Variants in STARD9 observed in about 807,000 individuals in gnomAD.
STARD9 encodes stAR-related lipid transfer protein 9.
Under a neutral mutation model 399.8 loss-of-function variants are expected in STARD9, and 346 were observed. The ratio of observed to expected loss-of-function variants is 0.87; its 90% CI spans 0.79 to 0.95. STARD9 has a LOEUF of 0.95. STARD9 is among the 40% of genes least tolerant of loss of function. STARD9 has a pLI of 0.00. For synonymous variants in STARD9, 2,203 were observed against 2,143.5 expected (o/e 1.03, Z -0.77); for missense variants, 5,832 against 5,667.5 (o/e 1.03, Z -0.93).
chr15:42,639,325 G>T (rs1452067353), intron 7 of STARD9, among the ~76,000 whole-genome samples: 1 of 152,196 alleles, frequency 6.6e-6, no homozygotes, highest in Non-Finnish European at 1.5e-5. Context: ...GGTGGGGTCT[G>T]CAGGCGCCCA....
chr15:42,663,507 A>G lies in STARD9; in HGVS notation c.1078+17A>G. The G allele has an allele frequency of 1.3e-6, 2 of 1,536,762 alleles. No homozygotes were observed. Among genetic ancestry groups the G allele is most frequent in the Non-Finnish European group, 1.7e-6 (2 of 1,146,506 alleles). On this transcript the variant is annotated intron_variant, in intron 12 of 32. Transcript: ENST00000290607. ...TGGTTGCCAGTGAGTGGGATGCCAG[A>G]GCTGGACCTGTGTTGGGACTGGTAC...
chr15:42,694,214 C>CA lies in STARD9; in HGVS notation c.12637dup (p.Thr4213AsnfsTer30). 1 of 1,535,740 alleles carries CA rather than the reference C, an allele frequency of 6.5e-7. No homozygotes were observed. The highest frequency in any genetic ancestry group is 8.7e-7 in the Non-Finnish European group (1 of 1,146,148). ...AGAACCTCTCACTCAGCGTGGAACT[C>CA]ACAGAAGCGAAACTGCACCATGGCT... On this transcript the variant is annotated frameshift_variant, in exon 23 of 33. Transcript: ENST00000290607. LOFTEE classifies it high-confidence loss of function.
chr15:42,601,062 G>A (rs1461232699), intron 3 of STARD9, among the ~76,000 whole-genome samples: 1 of 151,866 alleles, frequency 6.6e-6, no homozygotes, highest in African/African-American at 2.4e-5. Flanking sequence ...AGGGAGTGGT[G>A]ATGACTCTTA....
Position 42,685,427 on chromosome 15 carries a change from C to T in STARD9, c.3849C>T (p.Pro1283=), listed in dbSNP as rs1015694240. Residue 1283 remains proline, a synonymous_variant, in exon 23 of 33, where the codon CCC becomes CCT. Transcript: ENST00000290607. ...TTTACCTTGATCCTCAGTTCCAACC[C>T]CATTGTGAGCTCCAACCCCATTGTG... ...SSFYLDPQFQ[P]HCELQPHCEL... 2 of 1,536,182 alleles carry T rather than the reference C, an allele frequency of 1.3e-6. No individual in the cohort carries two copies. Among genetic ancestry groups the T allele is most frequent in the Admixed American group, 3.9e-5 (2 of 50,930 alleles).
chr15:42,665,535 CTCT>C (rs2060082977), intron 14 of STARD9, among the ~76,000 whole-genome samples: 1 of 152,116 alleles, frequency 6.6e-6, no homozygotes, highest in Non-Finnish European at 1.5e-5. Context: ...ACTTTATCAT[CTCT>C]TGTCTTGTGC....
intron 3 of STARD9, among the ~76,000 whole-genome samples, chr15:42,624,967 TACAG>T (rs1173834707): frequency 2.0e-5 from 3 of 152,246 alleles, no homozygotes; most frequent in African/African-American, 7.2e-5. Context: ...ACAATGGAGT[TACAG>T]ACCCATAGAG....
intron 8 of STARD9, 58 bp from the exon 9 acceptor site, chr15:42,652,462 T>A: frequency 7.1e-7 from 1 of 1,410,462 alleles, no homozygotes; most frequent in Non-Finnish European, 9.7e-7. Context: ...TATGGATCCT[T>A]AAGAATCCAC....
At position 42,663,513 on chromosome 15, in the gene STARD9, A is replaced by G. The variant is rs1204418581; in HGVS notation, c.1078+23A>G. On this transcript the variant is annotated intron_variant, in intron 12 of 32. Coordinates refer to ENST00000290607, the MANE Select transcript of STARD9 (RefSeq NM_020759.3). ...CCAGTGAGTGGGATGCCAGAGCTGG[A>G]CCTGTGTTGGGACTGGTACTCTATC... 3 of 1,535,332 alleles carry G rather than the reference A, an allele frequency of 2.0e-6. No individual in the cohort carries two copies. The East Asian group carries it at 7.3e-5, about 38-fold the overall frequency.
intron 3 of STARD9, among the ~76,000 whole-genome samples, chr15:42,594,318 T>G (rs368991599): frequency 6.6e-6 from 1 of 152,194 alleles, no homozygotes; most frequent in African/African-American, 2.4e-5. Flanking sequence ...AAAGGAATGT[T>G]GATCCTGCGA....
chr15:42,680,881 TCACA>T (rs149735996), intron 20 of STARD9, among the ~76,000 whole-genome samples: 1 of 151,848 alleles, frequency 6.6e-6, no homozygotes, highest in Non-Finnish European at 1.5e-5. Flanking sequence ...CTCCTTTGGG[TCACA>T]CACACACAGG....
At position 42,687,939 on chromosome 15, in the gene STARD9, G is replaced by C. The variant is rs1354919680; in HGVS notation, c.6361G>C (p.Asp2121His). 1 of 1,537,342 alleles carries C rather than the reference G, an allele frequency of 6.5e-7. No homozygotes were observed. Among genetic ancestry groups the C allele is most frequent in the Non-Finnish European group, 8.7e-7 (1 of 1,146,936 alleles). The change falls in exon 23 of 33, where the codon GAT becomes CAT. Residue 2121 changes from aspartate to histidine, a missense_variant. This residue lies in a region of STARD9 where 5,828 missense variants were observed against 5,651.1 expected (regional missense o/e 1.03). Transcript: ENST00000290607. Reference sequence around the variant, plus strand: ...TCAGCCATCTTCTCCAAGACAGACAGATGATACTGTCTTTAGGGATAGTGA... The same window carrying C: ...TCAGCCATCTTCTCCAAGACAGACACATGATACTGTCTTTAGGGATAGTGA... Reference protein sequence around the residue: ...KDQPSSPRQTDDTVFRDSEAG... With the variant: ...KDQPSSPRQTHDTVFRDSEAG...
At position 42,690,481 on chromosome 15, in the gene STARD9, C is replaced by A; in HGVS notation, c.8903C>A (p.Ser2968Tyr). 1 of 1,537,228 alleles carries A rather than the reference C, an allele frequency of 6.5e-7. No individual in the cohort carries two copies. The highest frequency in any genetic ancestry group is 1.2e-5 in the South Asian group (1 of 84,058). Residue 2968 changes from serine to tyrosine, a missense_variant, in exon 23 of 33, where the codon TCC becomes TAC. Ser to Tyr is a moderately radical substitution (Grantham distance 144). This residue lies in a region of STARD9 where 5,828 missense variants were observed against 5,651.1 expected (regional missense o/e 1.03). Transcript: ENST00000290607. ...SSQPVATHAYSSHSSTLLCFR... is the reference protein window; with the variant it reads ...SSQPVATHAYYSHSSTLLCFR... ...CAACCTGTTGCTACTCATGCTTATT[C>A]CTCCCATTCCTCTACTTTACTGTGT... is the stretch of plus-strand genomic sequence containing the variant.
At chr15:42,631,344 C>G (rs985863545) in intron 3 of STARD9, among the ~76,000 whole-genome samples, 2 of 152,034 alleles carry the variant, frequency 1.3e-5, no homozygotes, top group African/African-American at 4.8e-5. Flanking sequence ...TACTTTGTGA[C>G]GCCAAGTTGG....
At chr15:42,577,702 G>A (rs1262562047) in intron 1 of STARD9, among the ~76,000 whole-genome samples, 1 of 152,204 alleles carries the variant, frequency 6.6e-6, no homozygotes, top group East Asian at 1.9e-4. Context: ...TAAACCCAGT[G>A]TGGCCCCAGC....
At chr15:42,712,096 T>TATATATATATATATAAAATATAA (rs1566966126) in intron 26 of STARD9, among the ~76,000 whole-genome samples, 1 of 508 alleles carries the variant, frequency 2.0e-3, no homozygotes, top group African/African-American at 3.6e-3. Flanking sequence ...TATATATATA[T>TATATATATATATATAAAATATAA]AATATATAAT....
At chr15:42,677,813 A>G (rs1238131763) in intron 20 of STARD9, among the ~76,000 whole-genome samples, 2 of 152,182 alleles carry the variant, frequency 1.3e-5, no homozygotes, top group African/African-American at 4.8e-5. Context: ...CACACCCCAC[A>G]GCCCCTATTG....
chr15:42,684,609 T>C lies in STARD9; in HGVS notation c.3031T>C (p.Tyr1011His), dbSNP rs1447597220. The change falls in exon 23 of 33, where the codon TAT becomes CAT. Residue 1011 changes from tyrosine to histidine, a missense_variant. By Grantham distance (83) the Tyr-to-His change is moderately conservative. This residue lies in a region of STARD9 where 5,828 missense variants were observed against 5,651.1 expected (regional missense o/e 1.03). Transcript: ENST00000290607. ...AAKGASCNSL[Y>H]PHGPRQTAGH... ...TAAGGGAGCCAGTTGCAATTCCTTG[T>C]ATCCTCATGGACCCAGGCAGACTGC... The C allele has an allele frequency of 6.5e-7, 1 of 1,537,134 alleles. No homozygotes were observed. The highest frequency in any genetic ancestry group is 8.7e-7 in the Non-Finnish European group (1 of 1,146,908).
At chr15:42,700,057 G>A (rs999193028) in intron 26 of STARD9, among the ~76,000 whole-genome samples, 2 of 152,164 alleles carry the variant, frequency 1.3e-5, no homozygotes, top group East Asian at 1.9e-4. Flanking sequence ...TATGCCTGGT[G>A]TCTTCCACTT....
Position 42,692,209 on chromosome 15 carries a change from GC to G in STARD9, c.10632del (p.Ser3544ArgfsTer23), listed in dbSNP as rs1192326912. 6.5e-7 allele frequency: 1 copy of G among 1,537,000 alleles called. No homozygotes were observed. The highest frequency in any genetic ancestry group is 1.4e-5 in the African/African-American group (1 of 73,020). On this transcript the variant is annotated frameshift_variant, in exon 23 of 33. Coordinates refer to ENST00000290607, the MANE Select transcript of STARD9 (RefSeq NM_020759.3). LOFTEE classifies it high-confidence loss of function. ...TGTGATCTGTCAACCACACACAGCA[GC>G]ACTGAGAATGCCCAGGGTTCAAATG... Reference protein sequence around the residue: ...NICDLSTTHSSTENAQGSNEA... With the variant: ...NICDLSTTHSXTENAQGSNEA...
Sources: gnomAD v4.1 joint callset for allele counts (sites outside exome capture counted in the v4.1 genomes callset) on GRCh38, gnomAD v4.1.1 for gene constraint, gnomAD v4.1.1 regional missense constraint, MANE v1.5 for transcripts, NCBI Gene and HGNC (gene_info 2026-07-23, HGNC 2026-07-21) for gene names.